AGBL1: variants seen among roughly 807,000 people sequenced by gnomAD.
The protein encoded by AGBL1 is AGBL carboxypeptidase 1.
In AGBL1, 130 loss-of-function variants were observed where a neutral mutation model predicts 118.9. The ratio of observed to expected loss-of-function variants is 1.09; its 90% CI spans 0.95 to 1.26. The LOEUF is 1.26. Among genes scored for constraint, AGBL1 ranks in the 50% most tolerant of loss-of-function variants. The pLI is 0.00. For missense variants in AGBL1, 1,584 were observed against 1,298.1 expected, an observed-to-expected ratio of 1.22 and a Z score of -3.38; for synonymous variants, 555 against 478.9, an observed-to-expected ratio of 1.16 and a Z score of -2.08.
intron 22 of AGBL1, among the ~76,000 whole-genome samples, chr15:86,812,988 C>T (rs1400729177): frequency 6.6e-6 from 1 of 151,356 alleles, no homozygotes; most frequent in Admixed American, 6.6e-5. Context: ...GAGGAAATTT[C>T]TGGGCAGAAT....
At chr15:86,279,107 G>A (rs1319888754) in intron 15 of AGBL1, among the ~76,000 whole-genome samples, 2 of 152,236 alleles carry the variant, frequency 1.3e-5, no homozygotes, top group Non-Finnish European at 2.9e-5. Flanking sequence ...CACATGATGG[G>A]TTGCTGCAAT....
At chr15:86,207,916 T>G (rs1446008904) in intron 5 of AGBL1, among the ~76,000 whole-genome samples, 1 of 152,150 alleles carries the variant, frequency 6.6e-6, no homozygotes. Context: ...TGCTTCCAGT[T>G]TTTTGCCCAT....
At chr15:86,314,531 C>T (rs1245363560) in intron 17 of AGBL1, among the ~76,000 whole-genome samples, 1 of 152,096 alleles carries the variant, frequency 6.6e-6, no homozygotes, top group African/African-American at 2.4e-5. Flanking sequence ...TTCTATGGCC[C>T]CTTCCTCTAT....
intron 23 of AGBL1, among the ~76,000 whole-genome samples, chr15:86,945,309 T>C (rs1007756099): frequency 4.1e-5 from 6 of 144,584 alleles, no homozygotes; most frequent in African/African-American, 1.5e-4. Flanking sequence ...GAGTTCACGA[T>C]ATGTAAAGAT....
At chr15:86,587,093 T>C (rs2084260655) in intron 21 of AGBL1, among the ~76,000 whole-genome samples, 1 of 152,208 alleles carries the variant, frequency 6.6e-6, no homozygotes, top group Admixed American at 6.5e-5. Context: ...CTTCTCTCCT[T>C]ACTGCTAAAT....
intron 23 of AGBL1, among the ~76,000 whole-genome samples, chr15:86,972,412 T>A (rs2081117478): frequency 6.6e-6 from 1 of 151,864 alleles, no homozygotes; most frequent in Non-Finnish European, 1.5e-5. Flanking sequence ...AGACATAGAC[T>A]TCATTCAGGC....
intron 19 of AGBL1, among the ~76,000 whole-genome samples, chr15:86,534,650 A>G (rs1274403958): frequency 8.5e-5 from 13 of 152,228 alleles, no homozygotes; most frequent in Admixed American, 8.5e-4. Flanking sequence ...AGACACAGCA[A>G]AGTTTGGTAT....
intron 23 of AGBL1, among the ~76,000 whole-genome samples, chr15:86,940,698 A>T (rs2080739623): frequency 1.3e-5 from 2 of 152,224 alleles, no homozygotes; most frequent in South Asian, 4.1e-4. Flanking sequence ...GGAGGGAGAG[A>T]TAGGCAAATT....
intron 18 of AGBL1, among the ~76,000 whole-genome samples, chr15:86,459,976 G>A (rs777009355): frequency 6.6e-6 from 1 of 152,098 alleles, no homozygotes; most frequent in Non-Finnish European, 1.5e-5. Context: ...CAAGGCTTGA[G>A]CATAATTGAT....
chr15:86,872,322 G>T (rs1297204093), intron 22 of AGBL1, among the ~76,000 whole-genome samples: 1 of 152,200 alleles, frequency 6.6e-6, no homozygotes, highest in African/African-American at 2.4e-5. Context: ...GACACAAGCT[G>T]ATGAAACAAT....
At chr15:86,651,496 T>C (rs949248815) in intron 21 of AGBL1, among the ~76,000 whole-genome samples, 3 of 152,206 alleles carry the variant, frequency 2.0e-5, no homozygotes, top group African/African-American at 7.2e-5. Context: ...GATCTTATTA[T>C]AATTCCAGCA....
At chr15:86,659,605 G>T (rs574692439) in intron 21 of AGBL1, among the ~76,000 whole-genome samples, 1 of 152,060 alleles carries the variant, frequency 6.6e-6, no homozygotes, top group Non-Finnish European at 1.5e-5. Context: ...ATACATCCCA[G>T]TTCTTTTGTC....
At chr15:86,882,920 G>C (rs915547048) in intron 22 of AGBL1, among the ~76,000 whole-genome samples, 1 of 152,102 alleles carries the variant, frequency 6.6e-6, no homozygotes, top group Admixed American at 6.5e-5. Flanking sequence ...ACTTACATAA[G>C]TTTATGTGGA....
intron 6 of AGBL1, among the ~76,000 whole-genome samples, chr15:86,239,559 C>T (rs922331337): frequency 8.5e-5 from 12 of 141,138 alleles, no homozygotes; most frequent in Non-Finnish European, 1.8e-4. Context: ...ATTGCTGGGC[C>T]GGCCTCACTG....
chr15:86,365,353 G>T (rs986263788), intron 17 of AGBL1, among the ~76,000 whole-genome samples: 1 of 152,104 alleles, frequency 6.6e-6, no homozygotes, highest in Non-Finnish European at 1.5e-5. Flanking sequence ...CTAATTTTGA[G>T]TTATCTGAAT....
rs116621526 is a variant in AGBL1 at position 86,591,202 on chromosome 15, A to G, written c.2994+36665A>G. Among the ~76,000 whole-genome samples the G allele has an allele frequency of 2.4e-3, 372 of 152,314 alleles. 1 individual carries two copies. Among genetic ancestry groups the G allele is most frequent in the African/African-American group, 6.8e-3 (282 of 41,576 alleles). On this transcript the variant is annotated intron_variant, in intron 21 of 22. Transcript: ENST00000614907. ...TTGGTAAGTGTACCTCTGAGGAGAA[A>G]AAATACAAACTCAGAGCTTTTTCCT...
intron 21 of AGBL1, among the ~76,000 whole-genome samples, chr15:86,570,705 C>A (rs915128044): frequency 2.0e-5 from 3 of 152,168 alleles, no homozygotes; most frequent in African/African-American, 7.2e-5. Context: ...TCTTTTTCAG[C>A]CCCAGCTTGT....
chr15:86,916,705 C>A (rs146923147), downstream of AGBL1, among the ~76,000 whole-genome samples: 5 of 152,290 alleles, frequency 3.3e-5, no homozygotes, highest in East Asian at 9.7e-4. Flanking sequence ...CTGGACCACA[C>A]GAAATCTAAC....
At chr15:86,616,703 G>T (rs1300848513) in intron 21 of AGBL1, among the ~76,000 whole-genome samples, 1 of 152,084 alleles carries the variant, frequency 6.6e-6, no homozygotes, top group Non-Finnish European at 1.5e-5. Context: ...CAAAATATTT[G>T]GTTGATTAAT....
Sources: gnomAD v4.1 joint callset for allele counts (sites outside exome capture counted in the v4.1 genomes callset) on GRCh38, gnomAD v4.1.1 for gene constraint, MANE v1.5 for transcripts, NCBI Gene and HGNC (gene_info 2026-07-23, HGNC 2026-07-21) for gene names.